The following SRGAP2B variants were observed in gnomAD, a reference collection of about 807,000 sequenced individuals.
SRGAP2B encodes SLIT-ROBO Rho GTPase-activating protein 2B.
SRGAP2B carries 9 observed loss-of-function variants against 22.2 expected under a neutral mutation model. The observed-to-expected ratio is 0.41, with a 90% confidence interval of 0.24 to 0.71. The LOEUF (loss-of-function observed/expected upper bound fraction) is 0.71. SRGAP2B is among the 30% of genes least tolerant of loss of function. The pLI is 0.35. For missense variants in SRGAP2B, 114 were observed against 235.8 expected (o/e 0.48, Z 3.38); for synonymous variants, 36 against 87.4 (o/e 0.41, Z 3.28).
rs1347824064 is a variant in SRGAP2B at position 144,944,416 on chromosome 1, C to T, written c.423+11023G>A. Among the ~76,000 whole-genome samples the T allele has an allele frequency of 1.7e-3, 256 of 149,224 alleles. 14 individuals carry two copies. Among genetic ancestry groups the T allele is most frequent in the African/African-American group, 6.3e-3 (247 of 39,456 alleles). ...TTCAAGCCTAGCCTGGGCACCACAG[C>T]GAGACCCCATCTCTAAAAAAATTAG... On this transcript the variant is annotated intron_variant, in intron 4 of 9. Transcript: ENST00000612199.
At chr1:145,040,503 C>T (rs1272408916) in intron 2 of SRGAP2B, among the ~76,000 whole-genome samples, 2 of 150,794 alleles carry the variant, frequency 1.3e-5, no homozygotes, top group Admixed American at 6.6e-5. Flanking sequence ...ATATTTTAGG[C>T]TTCTGGGCCA....
intron 2 of SRGAP2B, among the ~76,000 whole-genome samples, chr1:145,016,591 A>G (rs1672431541): frequency 1.3e-5 from 1 of 79,074 alleles, no homozygotes; most frequent in Non-Finnish European, 2.5e-5. Context: ...AACCAAATGA[A>G]AGACATTAAA....
chr1:145,012,906 A>G (rs1225413692), intron 2 of SRGAP2B, among the ~76,000 whole-genome samples: 2 of 148,188 alleles, frequency 1.3e-5, no homozygotes, highest in Non-Finnish European at 2.9e-5. Flanking sequence ...CCAACATGGC[A>G]GAACCCCATC....
At chr1:145,020,849 G>A (rs1386619097) in intron 2 of SRGAP2B, among the ~76,000 whole-genome samples, 1 of 150,392 alleles carries the variant, frequency 6.6e-6, no homozygotes, top group Non-Finnish European at 1.5e-5. Context: ...ACCCAGGCTG[G>A]AGTGCAGTGG....
At chr1:144,952,786 C>G (rs1374214809) in intron 4 of SRGAP2B, among the ~76,000 whole-genome samples, 1 of 150,678 alleles carries the variant, frequency 6.6e-6, no homozygotes, top group Non-Finnish European at 1.5e-5. Context: ...GCTACAGGCA[C>G]AGGCCACCAT....
chr1:145,036,272 A>T (rs1553626639), intron 2 of SRGAP2B, among the ~76,000 whole-genome samples: 3 of 138,686 alleles, frequency 2.2e-5, no homozygotes, highest in Non-Finnish European at 1.5e-5. Flanking sequence ...TCTCCAAATG[A>T]ATTCCCAAGT....
Position 144,988,928 on chromosome 1 carries a change from CAGTT to C in SRGAP2B, c.260+6076_260+6079del, listed in dbSNP as rs375160640. On this transcript the variant is annotated intron_variant, in intron 3 of 9. Transcript: ENST00000612199. ...ATTATGGTTCTATGCTTTATCCAGT[CAGTT>C]ATCCAGTCCTATTTAGTTTCTTGAA... Among the ~76,000 whole-genome samples the C allele has an allele frequency of 3.7e-3, 525 of 140,202 alleles. 9 individuals carry two copies. Among genetic ancestry groups the C allele is most frequent in the African/African-American group, 0.014 (507 of 36,330 alleles). 92.0% of individuals were successfully genotyped at this position (140,202 alleles called of 152,430 possible).
chr1:144,976,327 T>C (rs1668902810), intron 3 of SRGAP2B, among the ~76,000 whole-genome samples: 2 of 144,068 alleles, frequency 1.4e-5, no homozygotes. Context: ...TGGTATTGGA[T>C]TGGAATGAAA....
chr1:144,892,417 TG>T, intron 9 of SRGAP2B, 36 bp from the exon 10 acceptor site: 2 of 660,122 alleles, frequency 3.0e-6, no homozygotes, highest in Admixed American at 4.3e-5. Flanking sequence ...GCATGAAGGG[TG>T]GGTTGTTAAA....
At chr1:145,039,348 AC>A (rs1648995548) in intron 2 of SRGAP2B, among the ~76,000 whole-genome samples, 1 of 44,000 alleles carries the variant, frequency 2.3e-5, no homozygotes, top group African/African-American at 8.6e-5. Context: ...GGTGGCACGC[AC>A]CTGTGGTCCC....
At chr1:145,041,459 C>T (rs1649243819) in intron 2 of SRGAP2B, among the ~76,000 whole-genome samples, 1 of 140,386 alleles carries the variant, frequency 7.1e-6, no homozygotes, top group Non-Finnish European at 1.5e-5. Flanking sequence ...TGCACTCCAT[C>T]CTGGGAAACA....
chr1:144,943,868 C>T (rs1401454874), intron 4 of SRGAP2B, among the ~76,000 whole-genome samples: 1 of 150,278 alleles, frequency 6.7e-6, no homozygotes, highest in Non-Finnish European at 1.5e-5. Context: ...TAGGAACCCC[C>T]TCAGCCCAAG....
At chr1:145,042,233 G>T (rs1329380891) in intron 2 of SRGAP2B, among the ~76,000 whole-genome samples, 1 of 150,844 alleles carries the variant, frequency 6.6e-6, no homozygotes, top group Admixed American at 6.6e-5. Flanking sequence ...GGTTAGGAAA[G>T]GAGACATAAC....
intron 3 of SRGAP2B, among the ~76,000 whole-genome samples, chr1:144,987,831 G>A (rs1283466849): frequency 1.3e-5 from 2 of 150,782 alleles, no homozygotes; most frequent in Non-Finnish European, 2.9e-5. Context: ...AAAAATGAGT[G>A]GAAATGGAAA....
intron 5 of SRGAP2B, among the ~76,000 whole-genome samples, chr1:144,909,602 G>C (rs1453961006): frequency 6.7e-6 from 1 of 149,710 alleles, no homozygotes. Flanking sequence ...AAAAAAAAAG[G>C]AAGTCTGAGA....
At chr1:144,917,889 G>A (rs868920373) in intron 4 of SRGAP2B, 1 of 69,480 alleles carries the variant, frequency 1.4e-5, no homozygotes, top group Middle Eastern at 4.7e-3. Context: ...TGCCTTTGGG[G>A]GAAAGCGTGG....
At chr1:144,997,586 A>G (rs1188069717) in intron 2 of SRGAP2B, among the ~76,000 whole-genome samples, 3 of 150,218 alleles carry the variant, frequency 2.0e-5, no homozygotes, top group Non-Finnish European at 2.9e-5. Flanking sequence ...TACCTCAGTA[A>G]TCTCACTCAC....
rs868923654 is a variant in SRGAP2B at position 145,007,744 on chromosome 1, A to C, written c.68-12544T>G. Among the ~76,000 whole-genome samples, 144 of 150,570 alleles carry C rather than the reference A, an allele frequency of 9.6e-4. 2 individuals are homozygous for C. The Middle Eastern group carries it at 0.01, about 11-fold the overall frequency. ...GAGTTTTTATGAGTTAATATTTGTA[A>C]AGTTATTAGAATAATTCCTGGTACA... On this transcript the variant is annotated intron_variant, in intron 2 of 9. Transcript: ENST00000612199.
intron 4 of SRGAP2B, among the ~76,000 whole-genome samples, chr1:144,921,335 C>A (rs1553604313): frequency 6.1e-5 from 8 of 131,640 alleles, no homozygotes; most frequent in African/African-American, 2.0e-4. Flanking sequence ...ATAGTAAATT[C>A]TTTTTCTTTG....
Sources: allele counts gnomAD v4.1 joint callset (sites outside exome capture counted in the v4.1 genomes callset), GRCh38; gene constraint gnomAD v4.1.1; transcripts MANE v1.5; gene names NCBI Gene and HGNC (gene_info 2026-07-23, HGNC 2026-07-21).